OTULIN: variants seen among roughly 807,000 people sequenced by gnomAD.
The protein encoded by OTULIN is OTU deubiquitinase with linear linkage specificity.
In OTULIN, 15 loss-of-function variants were observed where a neutral mutation model predicts 39.6. That is an observed-to-expected ratio of 0.38 (90% CI 0.25 to 0.58). The LOEUF is 0.58. OTULIN is among the 20% of genes least tolerant of loss of function. The pLI, the probability that OTULIN is intolerant of heterozygous loss-of-function variation, is 0.66. For missense variants in OTULIN, 319 were observed against 445.9 expected (o/e 0.72, Z 2.56); for synonymous variants, 156 against 170.3 (o/e 0.92, Z 0.65).
chr5:14,675,658 C>A (rs528289135), intron 2 of OTULIN, among the ~76,000 whole-genome samples: 1 of 152,188 alleles, frequency 6.6e-6, no homozygotes, highest in African/African-American at 2.4e-5. Context: ...GTACCCCACA[C>A]GGGCAATCAA....
chr5:14,666,298 A>G lies in OTULIN; in HGVS notation c.152+1321A>G, dbSNP rs1468110963. Among the ~76,000 whole-genome samples the G allele has an allele frequency of 2.0e-5, 3 of 152,260 alleles. No individual in the cohort carries two copies. The East Asian group carries it at 5.8e-4, about 29-fold the overall frequency. On this transcript the variant is annotated intron_variant, in intron 1 of 6. Transcript: ENST00000284274. Reference sequence around the variant, plus strand: ...ATGATTCTCATTCAGAACACCTGTGAAAACAGACAATGATAGGAAGAGTGC... The same window carrying G: ...ATGATTCTCATTCAGAACACCTGTGGAAACAGACAATGATAGGAAGAGTGC...
At chr5:14,703,369 A>G (rs2126366751), downstream of OTULIN, among the ~76,000 whole-genome samples, 1 of 146,818 alleles carries the variant, frequency 6.8e-6, no homozygotes, top group Admixed American at 6.8e-5. Flanking sequence ...AAAAACTTAG[A>G]AGGAGGCATA....
rs1352262856 is a variant in OTULIN at position 14,690,750 on chromosome 5, T to C, written c.864+442T>C. On this transcript the variant is annotated intron_variant, in intron 6 of 6. Transcript: ENST00000284274. This position sits in a 1 kb window ranked among gnomAD's most constrained non-coding sequence, Gnocchi z 4.5. ...TTTCTACTTTTTAGAAACAAGTTACTTGATGCATTCCACTCTCAAGAGGAG... is the reference window on the plus strand; with the variant it reads ...TTTCTACTTTTTAGAAACAAGTTACCTGATGCATTCCACTCTCAAGAGGAG... Among the ~76,000 whole-genome samples the C allele has an allele frequency of 6.6e-6, 1 of 152,170 alleles. No homozygotes were observed. Among genetic ancestry groups the C allele is most frequent in the African/African-American group, 2.4e-5 (1 of 41,402 alleles).
At chr5:14,692,679 C>CTTT (rs33978265) in intron 6 of OTULIN, among the ~76,000 whole-genome samples, 175 bp from the exon 7 acceptor site, 11 of 143,232 alleles carry the variant, frequency 7.7e-5, no homozygotes, top group South Asian at 2.2e-4. Flanking sequence ...TGATTATCTG[C>CTTT]TTTTTTTTTT....
the OTULIN span, chr5:14,711,076 C>T: frequency 1.2e-6 from 1 of 862,322 alleles, no homozygotes; most frequent in Non-Finnish European, 2.0e-6. Flanking sequence ...TAAATCAAGG[C>T]CTCTTTCATT....
At chr5:14,670,489 A>G (rs1022517192) in intron 1 of OTULIN, among the ~76,000 whole-genome samples, 5 of 152,138 alleles carry the variant, frequency 3.3e-5, no homozygotes, top group Admixed American at 1.3e-4. Flanking sequence ...TTATCTTTCT[A>G]TTAGACGGGT....
the OTULIN span, among the ~76,000 whole-genome samples, chr5:14,716,440 C>G: frequency 1.2e-3 from 177 of 151,956 alleles, no homozygotes; most frequent in Non-Finnish European, 2.0e-3. Context: ...TGCAGTGAGC[C>G]GACATTGTGC....
intron 1 of OTULIN, among the ~76,000 whole-genome samples, chr5:14,665,386 T>C (rs2126809430): frequency 6.6e-6 from 1 of 152,342 alleles, no homozygotes; most frequent in African/African-American, 2.4e-5. Flanking sequence ...CGACTTGTTC[T>C]TGGAGGCGAC....
At chr5:14,674,339 C>T (rs1395197256) in intron 2 of OTULIN, among the ~76,000 whole-genome samples, 1 of 152,252 alleles carries the variant, frequency 6.6e-6, no homozygotes, top group African/African-American at 2.4e-5. Context: ...TGGCCTCATG[C>T]AGGAGCTGCA....
At chr5:14,666,861 C>T (rs1329645056) in intron 1 of OTULIN, among the ~76,000 whole-genome samples, 1 of 152,140 alleles carries the variant, frequency 6.6e-6, no homozygotes, top group Non-Finnish European at 1.5e-5. Flanking sequence ...ATTTTCCTCA[C>T]GGCCTAGAGA....
At chr5:14,707,276 C>T in the OTULIN span, 7 of 121,396 alleles carry the variant, frequency 5.8e-5, no homozygotes, top group East Asian at 1.0e-3. Context: ...CACGCACACT[C>T]GCACTTCAGT....
intron 1 of OTULIN, among the ~76,000 whole-genome samples, chr5:14,671,411 C>T (rs186935683): frequency 4.1e-4 from 62 of 152,190 alleles, no homozygotes; most frequent in African/African-American, 1.5e-3. Context: ...AGTGGCTTGC[C>T]CAAAGATATA....
At chr5:14,707,804 A>G in the OTULIN span, 1 of 152,256 alleles carries the variant, frequency 6.6e-6, no homozygotes, top group Non-Finnish European at 1.5e-5. Flanking sequence ...GCTATCCAGG[A>G]CATTTCCAAG....
Position 14,692,830 on chromosome 5 carries a change from A to G in OTULIN, c.865-24A>G, listed in dbSNP as rs756226524. 1.1e-5 allele frequency: 17 copies of G among 1,609,324 alleles called. No homozygotes were observed. The African/African-American group carries it at 1.1e-4, about 10-fold the overall frequency. On this transcript the variant is annotated intron_variant, in intron 6 of 6. Transcript: ENST00000284274. ...GTTTTTCAGTGTGATCTTCCTCAGAATACCCGTTTGCTCTTCTTCCCAGGT... is the reference window on the plus strand; with the variant it reads ...GTTTTTCAGTGTGATCTTCCTCAGAGTACCCGTTTGCTCTTCTTCCCAGGT...
the OTULIN span, chr5:14,713,084 G>T: frequency 2.8e-6 from 3 of 1,068,922 alleles, no homozygotes; most frequent in South Asian, 2.7e-5. This position sits in a 1 kb window ranked among gnomAD's most constrained non-coding sequence, Gnocchi z 4.4. Flanking sequence ...TGAGACCAGC[G>T]GCGTTCTCCA....
chr5:14,666,674 A>T (rs1735855485), intron 1 of OTULIN, among the ~76,000 whole-genome samples: 1 of 151,890 alleles, frequency 6.6e-6, no homozygotes, highest in African/African-American at 2.4e-5. Context: ...CTTTTTCCTT[A>T]TTTTTGTTGC....
rs775419226 is a variant in OTULIN, at chr5:14,690,021, A to G, written c.595-18A>G. On this transcript the variant is annotated intron_variant, in intron 5 of 6. Transcript: ENST00000284274. The surrounding 1 kb of genome is among the most constrained non-coding windows in gnomAD (Gnocchi z 4.5). ...TTAGAACAAAAATTCTAATTATTACATAACTTTCTTATTGTAGTGGGCAGG... is the reference window on the plus strand; with the variant it reads ...TTAGAACAAAAATTCTAATTATTACGTAACTTTCTTATTGTAGTGGGCAGG... 46 of 1,602,212 alleles carry G rather than the reference A, an allele frequency of 2.9e-5. No individual in the cohort carries two copies. The highest frequency in any genetic ancestry group is 8.9e-5 in the East Asian group (4 of 44,746).
Position 14,698,135 on chromosome 5 carries a change from G to A in OTULIN, c.*5087G>A, listed in dbSNP as rs1736719785. On this transcript the variant is annotated 3_prime_UTR_variant, in exon 7 of 7. Transcript: ENST00000284274. ...TTTATAAAAATATTTTGGTATTGTTGCCTGCATTTTAGCCACTTCTAACTT... is the reference window on the plus strand; with the variant it reads ...TTTATAAAAATATTTTGGTATTGTTACCTGCATTTTAGCCACTTCTAACTT... 1 of 152,020 alleles carries A rather than the reference G, an allele frequency of 6.6e-6. No individual in the cohort carries two copies. The highest frequency in any genetic ancestry group is 6.6e-5 in the Admixed American group (1 of 15,266). 9.4% of individuals were successfully genotyped at this position (152,020 alleles called of 1,614,324 possible).
chr5:14,713,301 G>A, the OTULIN span, among the ~76,000 whole-genome samples: 2 of 152,150 alleles, frequency 1.3e-5, no homozygotes, highest in African/African-American at 4.8e-5. The surrounding 1 kb of genome is among the most constrained non-coding windows in gnomAD (Gnocchi z 4.4). Flanking sequence ...GTGCAGGGCC[G>A]GCCATGCCCT....
Sources: gnomAD v4.1 joint callset for allele counts (sites outside exome capture counted in the v4.1 genomes callset) on GRCh38, gnomAD v4.1.1 for gene constraint, Gnocchi (gnomAD v3.1) non-coding constraint, MANE v1.5 for transcripts, NCBI Gene and HGNC (gene_info 2026-07-23, HGNC 2026-07-21) for gene names.